EPRS1: variants seen among roughly 807,000 people sequenced by gnomAD.
EPRS1 encodes the protein glutamyl-prolyl-tRNA synthetase 1, also known as bifunctional glutamate/proline--tRNA ligase.
Under a neutral mutation model 188.3 loss-of-function variants are expected in EPRS1, and 107 were observed. The observed-to-expected ratio is 0.57, with a 90% CI of 0.49 to 0.67. The LOEUF (loss-of-function observed/expected upper bound fraction) is 0.67, where lower values mean the gene tolerates loss of function less well. EPRS1 is among the 30% of genes least tolerant of loss of function. The pLI, the probability that EPRS1 is intolerant of heterozygous loss-of-function variation, is 0.00. For synonymous variants in EPRS1, 596 were observed against 593.1 expected (o/e 1.00, Z -0.07); for missense variants, 1,577 against 1,802.2 (o/e 0.88, Z 2.26).
chr1:219,979,708 C>G (rs1415369883), intron 26 of EPRS1, 93 bp from the exon 27 acceptor site: 1 of 821,964 alleles, frequency 1.2e-6, no homozygotes, highest in African/African-American at 1.7e-5. Context: ...TAAAATGGCA[C>G]TACACTTTTT....
At chr1:220,025,736 A>C (rs1661958432) in intron 6 of EPRS1, among the ~76,000 whole-genome samples, 1 of 152,184 alleles carries the variant, frequency 6.6e-6, no homozygotes, top group Non-Finnish European at 1.5e-5. Context: ...AGCACATGAC[A>C]ATTAGTAAAA....
rs146827650 is a variant in EPRS1 at position 219,998,628 on chromosome 1, C to T, written c.2182-1286G>A. ...TGTGATCTCAGCTCACTGAAACCTC[C>T]GCCTCCCGGGTTCAAGTGATTACTG... On this transcript the variant is annotated intron_variant, in intron 17 of 31. Coordinates refer to ENST00000366923, the MANE Select transcript of EPRS1 (RefSeq NM_004446.3). Among the ~76,000 whole-genome samples the T allele has an allele frequency of 5.4e-3, 809 of 151,138 alleles. 7 individuals are homozygous for T. Among genetic ancestry groups the T allele is most frequent in the African/African-American group, 0.019 (778 of 41,052 alleles).
At chr1:220,028,926 T>G (rs957336695) in intron 6 of EPRS1, among the ~76,000 whole-genome samples, 5 of 152,152 alleles carry the variant, frequency 3.3e-5, no homozygotes. Context: ...TGATTTATAT[T>G]CCTGACCCCA....
At position 220,046,385 on chromosome 1, in the gene EPRS1, C is replaced by A. The variant is rs983012142; in HGVS notation, c.4G>T (p.Ala2Ser). 7 of 1,613,982 alleles carry A rather than the reference C, an allele frequency of 4.3e-6. No individual in the cohort carries two copies. In the African/African-American group the frequency reaches 8.0e-5, roughly 18 times the overall value. Residue 2 changes from alanine (A) to serine (S), a missense_variant, in exon 1 of 32, where the codon GCG (alanine) becomes TCG (serine). By Grantham distance (99) the Ala-to-Ser change is moderately conservative. Around this residue, in one of 3 missense-constraint regions of EPRS1, gnomAD observed 1,278 missense variants for 1,457.4 expected, o/e 0.88. Transcript: ENST00000366923. Reference sequence around the variant, plus strand: ...GAATTCACGGTCAGAGAGAGCGTCGCCATCTCCACCAGTCCGCTGGTCCAC... The same window carrying A: ...GAATTCACGGTCAGAGAGAGCGTCGACATCTCCACCAGTCCGCTGGTCCAC... Reference protein sequence around the residue: MATLSLTVNSGD... With the variant: MSTLSLTVNSGD...
chr1:219,970,539 G>A (rs1660644933), intron 30 of EPRS1, among the ~76,000 whole-genome samples: 1 of 151,886 alleles, frequency 6.6e-6, no homozygotes, highest in Admixed American at 6.6e-5. Flanking sequence ...AGCACTTTGG[G>A]AGGCCACGGC....
intron 1 of EPRS1, among the ~76,000 whole-genome samples, chr1:220,042,780 G>C (rs1294300089): frequency 6.6e-6 from 1 of 151,960 alleles, no homozygotes; most frequent in South Asian, 2.1e-4. Flanking sequence ...AATTAGCTGG[G>C]CGTGGTGGCA....
At position 219,987,132 on chromosome 1, in the gene EPRS1, G is replaced by A. The variant is rs372016755; in HGVS notation, c.3038+10C>T. ...GCTTTGCTTCAAATGAAGTTTCTGCGATTCATTACCTGGTCTGTTTCTTAG... is the reference window on the plus strand; with the variant it reads ...GCTTTGCTTCAAATGAAGTTTCTGCAATTCATTACCTGGTCTGTTTCTTAG... On this transcript the variant is annotated intron_variant, in intron 20 of 31. Coordinates refer to ENST00000366923, the MANE Select transcript of EPRS1 (RefSeq NM_004446.3). 39 of 1,589,480 alleles carry A rather than the reference G, an allele frequency of 2.5e-5. No individual in the cohort carries two copies. The highest frequency in any genetic ancestry group is 3.1e-5 in the Non-Finnish European group (36 of 1,172,766).
At chr1:220,042,717 C>T (rs866519990) in intron 1 of EPRS1, among the ~76,000 whole-genome samples, 10 of 151,546 alleles carry the variant, frequency 6.6e-5, no homozygotes, top group South Asian at 2.1e-4. Flanking sequence ...GTCAAGAGAT[C>T]GAGACCATCC....
rs1364762955 is a variant in EPRS1 at position 220,018,435 on chromosome 1, G to C, written c.1494+14C>G. 1 of 1,592,070 alleles carries C rather than the reference G, an allele frequency of 6.3e-7. No individual in the cohort carries two copies. The highest frequency in any genetic ancestry group is 2.2e-5 in the East Asian group (1 of 44,744). On this transcript the variant is annotated intron_variant, in intron 12 of 31. Transcript: ENST00000366923. The stretch of plus-strand genomic sequence containing the variant: ...TAAGCATGAGAAAAGAAGGCAGAGA[G>C]TTAACATACATACCTTTTTGTTAAA...
At chr1:220,015,415 A>G (rs1661682654) in intron 12 of EPRS1, among the ~76,000 whole-genome samples, 1 of 152,158 alleles carries the variant, frequency 6.6e-6, no homozygotes, top group Non-Finnish European at 1.5e-5. Flanking sequence ...GTGAGCCGAG[A>G]TCGTGCCACT....
chr1:220,030,633 G>A (rs1571695000), intron 5 of EPRS1, among the ~76,000 whole-genome samples, 153 bp from the exon 6 acceptor site: 2 of 152,134 alleles, frequency 1.3e-5, no homozygotes, highest in East Asian at 3.9e-4. Flanking sequence ...ACAAAATCTG[G>A]TTAAGAATAT....
Position 220,032,362 on chromosome 1 carries a change from TAAAAAAAAA to T in EPRS1, c.528+16_528+24del. ...CAGCCTCCCAAAGTGTTTTTTTTTTTAAAAAAAAAGAAAAAAAGGCTTACCACTCGAGCT... is the reference window on the plus strand; with the variant it reads ...CAGCCTCCCAAAGTGTTTTTTTTTTTGAAAAAAAGGCTTACCACTCGAGCT... On this transcript the variant is annotated intron_variant, in intron 5 of 31. Coordinates refer to ENST00000366923, the MANE Select transcript of EPRS1 (RefSeq NM_004446.3). 1 of 1,503,690 alleles carries T rather than the reference TAAAAAAAAA, an allele frequency of 6.7e-7. No individual in the cohort carries two copies. Among genetic ancestry groups the T allele is most frequent in the Non-Finnish European group, 8.9e-7 (1 of 1,118,882 alleles). The allele number at this position is 1,503,690 out of a possible 1,614,324, so 93.1% of individuals were successfully genotyped here. A position where few individuals can be genotyped will look rare whatever the true frequency, so the allele number is the denominator to read the frequency against.
chr1:220,022,411 T>G lies in EPRS1; in HGVS notation c.1051A>C (p.Met351Leu). The G allele has an allele frequency of 6.2e-7, 1 of 1,614,164 alleles. No homozygotes were observed. Among genetic ancestry groups the G allele is most frequent in the South Asian group, 1.1e-5 (1 of 91,082 alleles). ...KIDMSSNNGC[M>L]RDPTLYRCKI... Reference sequence around the variant, plus strand: ...CAGCGATAAAGGGTTGGATCTCTCATGCATCCATTGTTACTACTCATGTCA... The same window carrying G: ...CAGCGATAAAGGGTTGGATCTCTCAGGCATCCATTGTTACTACTCATGTCA... Residue 351 changes from methionine (M) to leucine (L), a missense_variant, in exon 9 of 32, where the codon ATG (methionine) becomes CTG (leucine). Coordinates refer to ENST00000366923, the MANE Select transcript of EPRS1 (RefSeq NM_004446.3).
At chr1:219,992,017 AAAC>A (rs1386932822) in intron 18 of EPRS1, among the ~76,000 whole-genome samples, 1 of 152,208 alleles carries the variant, frequency 6.6e-6, no homozygotes, top group African/African-American at 2.4e-5. Context: ...TAAGAATTAC[AAAC>A]AACATCAAGA....
intron 5 of EPRS1, 71 bp downstream of exon 5, chr1:220,032,316 G>T: frequency 8.0e-7 from 1 of 1,250,562 alleles, no homozygotes; most frequent in East Asian, 2.5e-5. Flanking sequence ...TCAATCTCCT[G>T]ACCTTGTGAT....
chr1:220,003,464 C>CA (rs1344647150), intron 16 of EPRS1, among the ~76,000 whole-genome samples: 1 of 151,848 alleles, frequency 6.6e-6, no homozygotes. Flanking sequence ...GTGTTATATC[C>CA]AAAACAGCAT....
chr1:220,004,222 T>C (rs562891508), intron 16 of EPRS1, among the ~76,000 whole-genome samples: 5 of 152,202 alleles, frequency 3.3e-5, no homozygotes, highest in Non-Finnish European at 5.9e-5. Context: ...TTTGTAGAGA[T>C]GGGGTCTCAC....
In EPRS1 at chr1:220,024,367, T is replaced by C. The variant is rs768549959; in HGVS notation, c.840A>G (p.Ala280=). 1 of 1,612,596 alleles carries C rather than the reference T, an allele frequency of 6.2e-7. No individual in the cohort carries two copies. The highest frequency in any genetic ancestry group is 1.1e-5 in the South Asian group (1 of 91,046). Residue 280 remains alanine (A), a synonymous_variant, in exon 8 of 32, where the codon GCA becomes GCG. Coordinates refer to ENST00000366923, the MANE Select transcript of EPRS1 (RefSeq NM_004446.3). The part of the protein sequence containing the change: ...SDHFETIMKY[A]EKLIQEGKAY... ...CCTTCCCTTCTTGAATTAGCTTCTC[T>C]GCATACTTCATTATAGTTTCAAAAT...
intron 5 of EPRS1, among the ~76,000 whole-genome samples, chr1:220,032,180 T>C (rs1319129818): frequency 2.6e-5 from 4 of 151,620 alleles, no homozygotes; most frequent in African/African-American, 9.7e-5. Flanking sequence ...GTTCACACCA[T>C]TCTCCTGCCT....
Sources: allele counts gnomAD v4.1 joint callset (sites outside exome capture counted in the v4.1 genomes callset), GRCh38; gene constraint gnomAD v4.1.1; regional missense constraint gnomAD v4.1.1; transcripts MANE v1.5; gene names NCBI Gene and HGNC (gene_info 2026-07-23, HGNC 2026-07-21).